Variants in KIAA0586 observed in about 807,000 individuals in gnomAD.
The protein encoded by KIAA0586 is protein TALPID3.
KIAA0586 carries 144 observed loss-of-function variants against 169.8 expected under a neutral mutation model. The ratio of observed to expected loss-of-function variants is 0.85; its 90% CI spans 0.74 to 0.97. The LOEUF is 0.97. KIAA0586 is among the 50% of genes least tolerant of loss of function. KIAA0586 has a pLI of 0.00. For synonymous variants in KIAA0586, 625 were observed against 612.4 expected (o/e 1.02, Z -0.30); for missense variants, 1,854 against 1,823.0 (o/e 1.02, Z -0.31).
chr14:58,535,384 C>T (rs1187046221), intron 29 of KIAA0586, among the ~76,000 whole-genome samples: 1 of 150,932 alleles, frequency 6.6e-6, no homozygotes, highest in East Asian at 1.9e-4. Flanking sequence ...TCTGTCATAA[C>T]ACCAACAGGA....
At chr14:58,510,578 A>G (rs2044318669) in intron 28 of KIAA0586, among the ~76,000 whole-genome samples, 1 of 152,186 alleles carries the variant, frequency 6.6e-6, no homozygotes, top group South Asian at 2.1e-4. Flanking sequence ...GAGCTTGGCC[A>G]TTTAAAAATA....
rs373242846 is a variant in KIAA0586 at position 58,487,202 on chromosome 14, T to C, written c.3304+36T>C. 65 of 1,534,148 alleles carry C rather than the reference T, an allele frequency of 4.2e-5. No individual in the cohort carries two copies. The African/African-American group carries it at 8.3e-4, about 19-fold the overall frequency. ...TATTTCTATAACTCGGTTTTAATTT[T>C]AGCAACTATTAAATTTCATGATTTG... On this transcript the variant is annotated intron_variant, in intron 22 of 30. Transcript: ENST00000652326.
chr14:58,516,238 A>C (rs1464163408), intron 29 of KIAA0586, among the ~76,000 whole-genome samples: 2 of 152,162 alleles, frequency 1.3e-5, no homozygotes, highest in Non-Finnish European at 2.9e-5. Flanking sequence ...AGTCTCTCTC[A>C]CTGGTGCAGG....
chr14:58,464,716 T>C (rs2040600720), intron 14 of KIAA0586, among the ~76,000 whole-genome samples: 2 of 152,144 alleles, frequency 1.3e-5, no homozygotes, highest in African/African-American at 4.8e-5. Flanking sequence ...AATGGATGCC[T>C]GAAACTGTGG....
At chr14:58,457,608 C>A (rs968287611) in intron 10 of KIAA0586, 151 bp from the exon 11 acceptor site, 11 of 579,332 alleles carry the variant, frequency 1.9e-5, no homozygotes, top group Admixed American at 3.2e-5. Context: ...ACTTTGATTG[C>A]CAAGTATTCT....
At chr14:58,492,855 C>T (rs983512537) in intron 26 of KIAA0586, among the ~76,000 whole-genome samples, 1 of 152,052 alleles carries the variant, frequency 6.6e-6, no homozygotes, top group Admixed American at 6.6e-5. Context: ...GGGATGACAG[C>T]CAAGAAATAT....
chr14:58,435,765 C>T (rs1229457809), intron 4 of KIAA0586, among the ~76,000 whole-genome samples: 3 of 152,044 alleles, frequency 2.0e-5, no homozygotes, highest in East Asian at 1.9e-4. Context: ...TGGAATGCAA[C>T]GGTGTGATCT....
At chr14:58,504,779 T>C (rs758765125) in intron 27 of KIAA0586, among the ~76,000 whole-genome samples, 2 of 152,172 alleles carry the variant, frequency 1.3e-5, no homozygotes, top group Admixed American at 1.3e-4. Context: ...ACTGTTATGA[T>C]TGCTGTCAGG....
intron 18 of KIAA0586, among the ~76,000 whole-genome samples, chr14:58,473,324 G>A (rs901051445): frequency 1.3e-5 from 2 of 152,156 alleles, no homozygotes; most frequent in Non-Finnish European, 2.9e-5. Context: ...AATTGTTAAA[G>A]CTGGGGAGCG....
In KIAA0586 at chr14:58,492,216, T is replaced by C; in HGVS notation, c.3931T>C (p.Ser1311Pro). ...AAAATTTCATGCAGATGCAATTCTTTCTTTTGCTAAACAAAACCAGGAGTC... is the reference window on the plus strand; with the variant it reads ...AAAATTTCATGCAGATGCAATTCTTCCTTTTGCTAAACAAAACCAGGAGTC... ...HKKFHADAIL[S>P]FAKQNQESAV... The change falls in exon 26 of 31, where the codon TCT becomes CCT. Residue 1311 changes from serine (S) to proline (P), a missense_variant. Physicochemically the swap from Ser to Pro is moderately conservative, Grantham distance 74 (BLOSUM62 -1). Transcript: ENST00000652326. 6.4e-7 allele frequency: 1 copy of C among 1,551,092 alleles called. No homozygotes were observed. The highest frequency in any genetic ancestry group is 8.7e-7 in the Non-Finnish European group (1 of 1,146,620).
At chr14:58,474,067 A>G (rs531472212) in intron 18 of KIAA0586, among the ~76,000 whole-genome samples, 32 of 152,186 alleles carry the variant, frequency 2.1e-4, no homozygotes, top group African/African-American at 7.5e-4. Flanking sequence ...GGAGGGAGCA[A>G]GAGAGAGAGG....
At chr14:58,507,247 A>G (rs1726020166) in intron 27 of KIAA0586, among the ~76,000 whole-genome samples, 1 of 5,160 alleles carries the variant, frequency 1.9e-4, no homozygotes, top group Non-Finnish European at 5.3e-3. Context: ...TGATTTATAT[A>G]TAAATCATGT....
In KIAA0586 at chr14:58,456,684, A is replaced by C; in HGVS notation, c.1254-18A>C. 3.5e-6 allele frequency: 5 copies of C among 1,422,978 alleles called. 1 individual carries two copies. The highest frequency in any genetic ancestry group is 4.9e-6 in the Non-Finnish European group (5 of 1,025,992). 88.1% of individuals were successfully genotyped at this position (1,422,978 alleles called of 1,614,324 possible). On this transcript the variant is annotated intron_variant, in intron 9 of 30. Coordinates refer to ENST00000652326, the MANE Select transcript of KIAA0586 (RefSeq NM_001329943.3). Reference sequence around the variant, plus strand: ...TTTCAAAAATCTTCTGTAGCGTTGAAACTCTACCTTCTCAAAGATTTCCTT... The same window carrying C: ...TTTCAAAAATCTTCTGTAGCGTTGACACTCTACCTTCTCAAAGATTTCCTT...
In KIAA0586 at chr14:58,458,917, C is replaced by A. The variant is rs538399273; in HGVS notation, c.1656+372C>A. Among the ~76,000 whole-genome samples the A allele has an allele frequency of 3.9e-5, 6 of 152,226 alleles. No homozygotes were observed. The East Asian group carries it at 9.6e-4, about 24-fold the overall frequency. On this transcript the variant is annotated intron_variant, in intron 12 of 30. Coordinates refer to ENST00000652326, the MANE Select transcript of KIAA0586 (RefSeq NM_001329943.3). ...CCAGAGTAATGCAAAGAGAAAAAAA[C>A]CAACGAGATTTACTAAGTTTACGGA...
At chr14:58,541,318 A>G (rs2046623777) in intron 30 of KIAA0586, among the ~76,000 whole-genome samples, 1 of 152,250 alleles carries the variant, frequency 6.6e-6, no homozygotes, top group Non-Finnish European at 1.5e-5. Context: ...TTTAATGGAA[A>G]CAACAGACTT....
intron 29 of KIAA0586, among the ~76,000 whole-genome samples, chr14:58,513,146 G>A (rs962730054): frequency 6.6e-6 from 1 of 151,892 alleles, no homozygotes; most frequent in African/African-American, 2.4e-5. Flanking sequence ...GCATTTTGAT[G>A]TTGTCTCTAT....
At position 58,461,117 on chromosome 14, in the gene KIAA0586, T is replaced by C. The variant is rs761490295; in HGVS notation, c.2016T>C (p.Pro672=). 2 of 1,610,078 alleles carry C rather than the reference T, an allele frequency of 1.2e-6. No individual in the cohort carries two copies. The highest frequency in any genetic ancestry group is 1.7e-6 in the Non-Finnish European group (2 of 1,178,250). The change falls in exon 14 of 31, where the codon CCT becomes CCC. Residue 672 remains proline, a synonymous_variant. Coordinates refer to ENST00000652326, the MANE Select transcript of KIAA0586 (RefSeq NM_001329943.3). ...ATCTCAGATTTAATTCTCCATCTCC[T>C]AAGTCCAGACCACAGAGACCAAAAG... The part of the protein sequence containing the change: ...GPYLRFNSPS[P]KSRPQRPKVI...
intron 29 of KIAA0586, among the ~76,000 whole-genome samples, chr14:58,537,899 G>A (rs1302418908): frequency 7.9e-5 from 12 of 152,080 alleles, no homozygotes; most frequent in Non-Finnish European, 1.5e-4. Flanking sequence ...TTCCCACCTT[G>A]GCCTCCCAAA....
intron 7 of KIAA0586, 105 bp from the exon 8 acceptor site, chr14:58,450,474 T>C: frequency 3.0e-6 from 2 of 663,014 alleles, no homozygotes; most frequent in South Asian, 3.9e-5. Context: ...TTGTTCATCA[T>C]TTATAATTTT....
Sources: allele counts gnomAD v4.1 joint callset (sites outside exome capture counted in the v4.1 genomes callset), GRCh38; gene constraint gnomAD v4.1.1; transcripts MANE v1.5; gene names NCBI Gene and HGNC (gene_info 2026-07-23, HGNC 2026-07-21).